Variants in NRG1 observed in about 807,000 individuals in gnomAD.
NRG1 encodes the protein neuregulin 1, also known as pro-neuregulin-1, membrane-bound isoform.
NRG1 carries 18 observed loss-of-function variants against 63.8 expected under a neutral mutation model. That is an observed-to-expected ratio of 0.28 (90% CI 0.19 to 0.42). The LOEUF (loss-of-function observed/expected upper bound fraction) is 0.42, where lower values mean the gene tolerates loss of function less well. NRG1 is among the 10% of genes least tolerant of loss of function. The pLI, the probability that NRG1 is intolerant of heterozygous loss-of-function variation, is 1.00. For synonymous variants in NRG1, 302 were observed against 301.3 expected, an observed-to-expected ratio of 1.00 and a Z score of -0.02; for missense variants, 762 against 814.7, an observed-to-expected ratio of 0.94 and a Z score of 0.79.
chr8:31,858,211 A>G (rs1828114383), intron 1 of NRG1, among the ~76,000 whole-genome samples: 1 of 151,958 alleles, frequency 6.6e-6, no homozygotes, highest in Admixed American at 6.6e-5. Context: ...AGGCAGGAGA[A>G]TGGCGTGAAA....
At chr8:32,016,613 T>C (rs1815583449) in intron 1 of NRG1, among the ~76,000 whole-genome samples, 1 of 152,226 alleles carries the variant, frequency 6.6e-6, no homozygotes, top group South Asian at 2.1e-4. Context: ...TTGTTAATAC[T>C]TTCTTAGGAT....
At chr8:31,848,908 C>A (rs932249726) in intron 1 of NRG1, among the ~76,000 whole-genome samples, 3 of 152,136 alleles carry the variant, frequency 2.0e-5, no homozygotes, top group Non-Finnish European at 4.4e-5. Context: ...GCATAATATA[C>A]ATAATGCACT....
intron 1 of NRG1, among the ~76,000 whole-genome samples, chr8:31,873,298 T>C (rs1179324218): frequency 6.6e-6 from 1 of 152,148 alleles, no homozygotes; most frequent in Non-Finnish European, 1.5e-5. Context: ...CGATGGCTCA[T>C]GCCTGTAATT....
At chr8:32,090,377 G>T (rs1376129391) in intron 1 of NRG1, among the ~76,000 whole-genome samples, 1 of 152,196 alleles carries the variant, frequency 6.6e-6, no homozygotes, top group African/African-American at 2.4e-5. Context: ...TTGAAGTGCA[G>T]TGGTGCGACG....
At chr8:32,383,693 C>T (rs183761203) in intron 1 of NRG1, among the ~76,000 whole-genome samples, 11 of 152,322 alleles carry the variant, frequency 7.2e-5, no homozygotes, top group African/African-American at 1.2e-4. Context: ...CGCCACCTTA[C>T]GTTTCACTCA....
At chr8:32,343,278 A>G (rs555524881) in intron 1 of NRG1, among the ~76,000 whole-genome samples, 24 of 152,282 alleles carry the variant, frequency 1.6e-4, no homozygotes, top group Admixed American at 1.4e-3. Flanking sequence ...TGTCCCATCC[A>G]ACTTGTTAAG....
In NRG1 at chr8:32,050,394, G is replaced by A. The variant is rs529248339; in HGVS notation, c.37+410963G>A. On this transcript the variant is annotated intron_variant, in intron 1 of 10. Coordinates refer to the NRG1 transcript ENST00000519301. ...CTGAACGTGGTGTTCTGTCACTTCT[G>A]AAACTCTGGGGATTTCTTTTCATGA... 2.6e-5 allele frequency among the ~76,000 whole-genome samples: 4 copies of A among 152,196 alleles called. No individual in the cohort carries two copies. The East Asian group carries it at 7.7e-4, about 29-fold the overall frequency.
intron 1 of NRG1, among the ~76,000 whole-genome samples, chr8:32,433,997 C>G (rs991114487): frequency 6.6e-6 from 1 of 151,878 alleles, no homozygotes; most frequent in South Asian, 2.1e-4. Flanking sequence ...ACTATCCTGG[C>G]CAACATGGTG....
intron 1 of NRG1, among the ~76,000 whole-genome samples, chr8:32,314,166 G>C (rs1047545849): frequency 6.7e-6 from 1 of 148,196 alleles, no homozygotes; most frequent in African/African-American, 2.5e-5. Flanking sequence ...TTTATTCTGG[G>C]CCATGTAGAC....
At chr8:31,865,022 A>G (rs1306278846) in intron 1 of NRG1, among the ~76,000 whole-genome samples, 2 of 152,060 alleles carry the variant, frequency 1.3e-5, no homozygotes, top group East Asian at 3.9e-4. Flanking sequence ...TTTGCTTTAG[A>G]TTTTCCCATT....
intron 6 of NRG1, among the ~76,000 whole-genome samples, chr8:32,732,957 A>G (rs1250042004): frequency 6.6e-6 from 1 of 151,652 alleles, no homozygotes; most frequent in Non-Finnish European, 1.5e-5. Context: ...ACAGACATGC[A>G]CCACCATGCC....
intron 1 of NRG1, among the ~76,000 whole-genome samples, chr8:32,530,190 G>C (rs1272980709): frequency 4.6e-5 from 7 of 151,796 alleles, no homozygotes; most frequent in South Asian, 2.1e-4. Context: ...TCACTGCAAG[G>C]TCCGCCTCCC....
At chr8:32,297,013 G>A (rs1358169028) in intron 1 of NRG1, among the ~76,000 whole-genome samples, 1 of 152,044 alleles carries the variant, frequency 6.6e-6, no homozygotes, top group Non-Finnish European at 1.5e-5. Context: ...TACTCCGGAA[G>A]CTGAGGCAGG....
At chr8:32,470,116 G>A (rs1055663380) in intron 1 of NRG1, among the ~76,000 whole-genome samples, 3 of 144,014 alleles carry the variant, frequency 2.1e-5, no homozygotes, top group Non-Finnish European at 4.5e-5. Context: ...CATGTGATCC[G>A]CCCGCCTCGG....
intron 1 of NRG1, among the ~76,000 whole-genome samples, chr8:31,677,535 A>T (rs1807845208): frequency 6.6e-6 from 1 of 152,168 alleles, no homozygotes; most frequent in Middle Eastern, 3.4e-3. Context: ...GAGTCTGGGA[A>T]TTTGAGGCTG....
intron 1 of NRG1, among the ~76,000 whole-genome samples, chr8:32,211,957 T>C (rs113426372): frequency 1.3e-5 from 2 of 152,318 alleles, no homozygotes; most frequent in African/African-American, 4.8e-5. Context: ...GGCTGTGCCT[T>C]TTAAATAATG....
At chr8:32,526,134 A>T (rs757322885) in intron 1 of NRG1, among the ~76,000 whole-genome samples, 20 of 152,166 alleles carry the variant, frequency 1.3e-4, no homozygotes, top group East Asian at 1.2e-3. Context: ...TTGGCCCCCT[A>T]CTTTAGAGTC....
intron 1 of NRG1, among the ~76,000 whole-genome samples, chr8:32,171,732 C>T (rs1840068955): frequency 1.3e-5 from 2 of 152,120 alleles, no homozygotes; most frequent in Admixed American, 6.5e-5. Flanking sequence ...TGTATGCCCA[C>T]GGAGCCTCCC....
At chr8:32,172,057 G>A (rs376626080) in intron 1 of NRG1, among the ~76,000 whole-genome samples, 9 of 152,244 alleles carry the variant, frequency 5.9e-5, no homozygotes, top group Admixed American at 2.0e-4. Context: ...CCTCAAGTGC[G>A]TCCCTGACCC....
Sources: gnomAD v4.1 joint callset for allele counts (sites outside exome capture counted in the v4.1 genomes callset) on GRCh38, gnomAD v4.1.1 for gene constraint, MANE v1.5 for transcripts, NCBI Gene and HGNC (gene_info 2026-07-23, HGNC 2026-07-21) for gene names.